Variants in NKAIN2 observed in about 807,000 individuals in gnomAD.
NKAIN2 encodes sodium/potassium transporting ATPase interacting 2.
In NKAIN2, 14 loss-of-function variants were observed where a neutral mutation model predicts 32.6. That is an observed-to-expected ratio of 0.43 (90% confidence interval 0.28 to 0.67). The LOEUF is 0.67. NKAIN2 is among the 30% of genes least tolerant of loss of function. The probability of loss-of-function intolerance (pLI) is 0.17; values close to 1 mark genes in which losing one functional copy is unlikely to be tolerated. For missense variants in NKAIN2, 198 were observed against 258.3 expected (o/e 0.77, Z 1.60); for synonymous variants, 80 against 87.2 (o/e 0.92, Z 0.46).
intron 4 of NKAIN2, among the ~76,000 whole-genome samples, chr6:124,722,565 G>T (rs577564021): frequency 6.5e-4 from 99 of 152,200 alleles, no homozygotes; most frequent in Non-Finnish European, 1.2e-3. Flanking sequence ...CACGTGCATC[G>T]CAGTTCACTA....
rs565088058 is a variant in NKAIN2, at chr6:124,500,374, T to G, written c.273+145027T>G. Among the ~76,000 whole-genome samples, 6 of 151,968 alleles carry G rather than the reference T, an allele frequency of 3.9e-5. No individual in the cohort carries two copies. In the South Asian group the frequency reaches 6.2e-4, roughly 16 times the overall value. ...TCTAAAATGGGAAGATATGGCCAGGTGCGGTGGCTCGTTACTGTAATCCCA... is the reference window on the plus strand; with the variant it reads ...TCTAAAATGGGAAGATATGGCCAGGGGCGGTGGCTCGTTACTGTAATCCCA... On this transcript the variant is annotated intron_variant, in intron 3 of 6. Coordinates refer to ENST00000368417, the MANE Select transcript of NKAIN2 (RefSeq NM_001040214.3).
intron 3 of NKAIN2, among the ~76,000 whole-genome samples, chr6:124,503,446 G>A (rs1046006220): frequency 2.0e-5 from 3 of 152,006 alleles, no homozygotes; most frequent in African/African-American, 7.2e-5. Flanking sequence ...AATATAGCCC[G>A]AAAGTAGCTT....
intron 3 of NKAIN2, among the ~76,000 whole-genome samples, chr6:124,398,226 C>A (rs1773474243): frequency 9.7e-6 from 1 of 102,838 alleles, no homozygotes; most frequent in South Asian, 4.0e-4. Flanking sequence ...GCACTCCAGC[C>A]TGGGTGACAG....
intron 1 of NKAIN2, among the ~76,000 whole-genome samples, chr6:123,955,333 A>C (rs1777522024): frequency 6.6e-6 from 1 of 151,982 alleles, no homozygotes; most frequent in Admixed American, 6.5e-5. Flanking sequence ...GCCACAGACT[A>C]ATAATTATGA....
intron 1 of NKAIN2, among the ~76,000 whole-genome samples, chr6:123,909,007 T>C (rs1162653049): frequency 6.6e-6 from 1 of 152,228 alleles, no homozygotes; most frequent in Non-Finnish European, 1.5e-5. Context: ...AAATTCAGCA[T>C]GTGGAGAACA....
chr6:124,651,106 C>T (rs190065913), intron 3 of NKAIN2, among the ~76,000 whole-genome samples: 2 of 151,404 alleles, frequency 1.3e-5, no homozygotes, highest in Non-Finnish European at 2.9e-5. Context: ...ATAGGGCAAA[C>T]AACATTAAAT....
chr6:124,306,911 A>G (rs1021379164), intron 2 of NKAIN2, among the ~76,000 whole-genome samples: 4 of 152,164 alleles, frequency 2.6e-5, no homozygotes, highest in Non-Finnish European at 4.4e-5. Flanking sequence ...CTAACCTTTC[A>G]TTAAGAAAAC....
intron 1 of NKAIN2, among the ~76,000 whole-genome samples, chr6:124,072,867 G>C (rs1783524921): frequency 6.6e-6 from 1 of 151,636 alleles, no homozygotes; most frequent in South Asian, 2.1e-4. Flanking sequence ...ATTGATCCTT[G>C]CTTTCATGGA....
At chr6:124,514,413 G>T (rs550951055) in intron 3 of NKAIN2, among the ~76,000 whole-genome samples, 2 of 152,074 alleles carry the variant, frequency 1.3e-5, no homozygotes, top group African/African-American at 4.8e-5. Context: ...TGACTCTTTC[G>T]TTTACAATTA....
chr6:123,814,188 G>A (rs1296964798), intron 1 of NKAIN2, among the ~76,000 whole-genome samples: 2 of 152,094 alleles, frequency 1.3e-5, no homozygotes, highest in Non-Finnish European at 2.9e-5. Flanking sequence ...ATGTTCAAAA[G>A]CAATTAAGTA....
At chr6:124,143,030 A>C (rs1025402156) in intron 1 of NKAIN2, among the ~76,000 whole-genome samples, 1 of 152,224 alleles carries the variant, frequency 6.6e-6, no homozygotes, top group Admixed American at 6.5e-5. Context: ...ATTTTATCTC[A>C]TTTGAACTGT....
intron 4 of NKAIN2, among the ~76,000 whole-genome samples, chr6:124,779,285 A>AG (rs1779138164): frequency 4.9e-3 from 364 of 75,040 alleles, no homozygotes; most frequent in Non-Finnish European, 7.7e-3. Context: ...GAGAGAGAGG[A>AG]AGGCAGGAAG....
At chr6:124,355,777 C>T (rs1186670254) in intron 3 of NKAIN2, among the ~76,000 whole-genome samples, 2 of 151,876 alleles carry the variant, frequency 1.3e-5, no homozygotes, top group Non-Finnish European at 2.9e-5. Context: ...GAAATTGTTA[C>T]TAGAGGTATA....
chr6:123,910,499 G>GTGTTTTTTTTTTTTTTTTTT (rs1491095246), intron 1 of NKAIN2, among the ~76,000 whole-genome samples: 9 of 81,314 alleles, frequency 1.1e-4, no homozygotes, highest in African/African-American at 4.5e-4. Flanking sequence ...TGCAATGCAT[G>GTGTTTTTTTTTTTTTTTTTT]TTTTTTTTTT....
At chr6:124,535,376 T>C (rs2114831564) in intron 3 of NKAIN2, among the ~76,000 whole-genome samples, 1 of 152,356 alleles carries the variant, frequency 6.6e-6, no homozygotes, top group East Asian at 1.9e-4. Flanking sequence ...TTCAATTTAC[T>C]AGTTTATTTG....
chr6:124,263,733 C>T (rs1052437627), intron 1 of NKAIN2, among the ~76,000 whole-genome samples: 5 of 130,312 alleles, frequency 3.8e-5, no homozygotes, highest in Admixed American at 2.4e-4. Context: ...TTAAACAGCA[C>T]GTGACAACAC....
intron 1 of NKAIN2, among the ~76,000 whole-genome samples, chr6:124,245,820 G>T (rs953238535): frequency 6.6e-6 from 1 of 151,994 alleles, no homozygotes; most frequent in African/African-American, 2.4e-5. Flanking sequence ...TCAAATCTGT[G>T]AAAGGGGCAT....
intron 1 of NKAIN2, among the ~76,000 whole-genome samples, chr6:124,126,941 C>T (rs1024704687): frequency 3.3e-5 from 5 of 151,808 alleles, no homozygotes; most frequent in African/African-American, 1.2e-4. Flanking sequence ...AGAATGAGAC[C>T]CTGTCTCAAA....
At chr6:124,402,383 C>T (rs113219293) in intron 3 of NKAIN2, among the ~76,000 whole-genome samples, 2,942 of 152,270 alleles carry the variant, frequency 0.019, 82 homozygotes, top group African/African-American at 0.067. Context: ...CTGAAACAAC[C>T]ATCCTTTCCC....
Sources: allele counts gnomAD v4.1 joint callset (sites outside exome capture counted in the v4.1 genomes callset), GRCh38; gene constraint gnomAD v4.1.1; transcripts MANE v1.5; gene names NCBI Gene and HGNC (gene_info 2026-07-23, HGNC 2026-07-21).